CNTNAP2: variants seen among roughly 807,000 people sequenced by gnomAD.
CNTNAP2 encodes contactin associated protein 2.
Under a neutral mutation model 155.2 loss-of-function variants are expected in CNTNAP2, and 98 were observed. The observed-to-expected ratio is 0.63, with a 90% CI of 0.54 to 0.75. The LOEUF is 0.75. Ranked by LOEUF, CNTNAP2 falls within the 30% of genes least tolerant of loss-of-function variation. The pLI, the probability that CNTNAP2 is intolerant of heterozygous loss-of-function variation, is 0.00. For missense variants in CNTNAP2, 1,727 were observed against 1,688.1 expected (o/e 1.02, Z -0.40); for synonymous variants, 651 against 631.2 (o/e 1.03, Z -0.47).
intron 4 of CNTNAP2, among the ~76,000 whole-genome samples, chr7:147,101,335 A>G (rs1156598857): frequency 6.6e-6 from 1 of 152,174 alleles, no homozygotes; most frequent in East Asian, 1.9e-4. Context: ...ACTTGCAACA[A>G]GGGTGTGGCT....
intron 1 of CNTNAP2, among the ~76,000 whole-genome samples, chr7:146,559,427 G>A (rs1457442587): frequency 6.6e-6 from 1 of 151,942 alleles, no homozygotes; most frequent in African/African-American, 2.4e-5. Flanking sequence ...AATTAACTGG[G>A]TGTGTTGGCG....
intron 4 of CNTNAP2, among the ~76,000 whole-genome samples, chr7:147,063,825 A>T (rs1007403980): frequency 3.3e-5 from 5 of 152,272 alleles, no homozygotes; most frequent in African/African-American, 9.6e-5. Context: ...ATATCACATT[A>T]AAAAAGCAGT....
chr7:147,853,351 G>A (rs916281361), intron 13 of CNTNAP2, among the ~76,000 whole-genome samples: 6 of 152,118 alleles, frequency 3.9e-5, no homozygotes, highest in African/African-American at 7.2e-5. Context: ...TGTCTTAAAC[G>A]GCCTGATTTA....
intron 8 of CNTNAP2, among the ~76,000 whole-genome samples, chr7:147,221,315 T>A (rs1803394732): frequency 6.6e-6 from 1 of 152,060 alleles, no homozygotes; most frequent in Non-Finnish European, 1.5e-5. Context: ...TAAGAATAAG[T>A]AAACTAGAGC....
chr7:146,963,738 A>T (rs1238483183), intron 3 of CNTNAP2, among the ~76,000 whole-genome samples: 2 of 152,192 alleles, frequency 1.3e-5, no homozygotes, highest in African/African-American at 4.8e-5. Context: ...ATTTAGATTT[A>T]TAAAAATTGT....
At chr7:146,382,366 G>A (rs1432257583) in intron 1 of CNTNAP2, among the ~76,000 whole-genome samples, 2 of 152,182 alleles carry the variant, frequency 1.3e-5, no homozygotes, top group African/African-American at 2.4e-5. Flanking sequence ...TGATAGGCAG[G>A]AAGAAGAGTA....
intron 1 of CNTNAP2, among the ~76,000 whole-genome samples, chr7:146,645,156 C>G (rs1379498101): frequency 1.3e-5 from 2 of 152,096 alleles, no homozygotes; most frequent in African/African-American, 2.4e-5. Context: ...AATGTAAGCC[C>G]CAAAGATCAG....
chr7:146,817,459 C>A (rs1417724564), intron 2 of CNTNAP2, among the ~76,000 whole-genome samples: 1 of 146,134 alleles, frequency 6.8e-6, no homozygotes, highest in African/African-American at 2.7e-5. Flanking sequence ...GCAACATGAG[C>A]GAAACTCCAT....
intron 13 of CNTNAP2, among the ~76,000 whole-genome samples, chr7:147,722,648 C>T (rs535775227): frequency 6.6e-6 from 1 of 152,228 alleles, no homozygotes; most frequent in African/African-American, 2.4e-5. Context: ...TATTCCAACT[C>T]TGCCTTTTAG....
chr7:147,032,234 T>G (rs1276428514), intron 3 of CNTNAP2, among the ~76,000 whole-genome samples: 2 of 152,238 alleles, frequency 1.3e-5, no homozygotes, highest in African/African-American at 4.8e-5. Flanking sequence ...ATAATTTTAC[T>G]ATTCATTATA....
chr7:146,771,209 A>G (rs1234054085), intron 1 of CNTNAP2, among the ~76,000 whole-genome samples: 3 of 152,096 alleles, frequency 2.0e-5, no homozygotes, highest in Non-Finnish European at 4.4e-5. Flanking sequence ...TTTCGTTGGC[A>G]TGTTTCTTCC....
In CNTNAP2 at chr7:147,012,722, C is replaced by T. The variant is rs139795232; in HGVS notation, c.403-31185C>T. 2.0e-4 allele frequency among the ~76,000 whole-genome samples: 30 copies of T among 152,102 alleles called. No homozygotes were observed. The East Asian group carries it at 5.4e-3, about 27-fold the overall frequency. On this transcript the variant is annotated intron_variant, in intron 3 of 23. Coordinates refer to ENST00000361727, the MANE Select transcript of CNTNAP2 (RefSeq NM_014141.6). ...GAAATATCTTTGAGAAGTTGTCATGCCAAAGCTTTTGAAAACATAATTTGT... is the reference window on the plus strand; with the variant it reads ...GAAATATCTTTGAGAAGTTGTCATGTCAAAGCTTTTGAAAACATAATTTGT...
intron 3 of CNTNAP2, among the ~76,000 whole-genome samples, chr7:146,894,543 G>C (rs1334028033): frequency 6.6e-6 from 1 of 151,976 alleles, no homozygotes; most frequent in East Asian, 1.9e-4. Context: ...AGCTTGAAAT[G>C]CTGCTGCCCC....
chr7:146,545,527 T>A (rs2693400), intron 1 of CNTNAP2, among the ~76,000 whole-genome samples: 4,995 of 151,808 alleles, frequency 0.033, 289 homozygotes, highest in African/African-American at 0.11. Context: ...CTGTGTGATG[T>A]TCCCCTCCGT....
chr7:147,756,379 G>A (rs1797213711), intron 13 of CNTNAP2, among the ~76,000 whole-genome samples: 5 of 152,060 alleles, frequency 3.3e-5, no homozygotes, highest in Admixed American at 3.3e-4. Flanking sequence ...TATTTGCAAG[G>A]TAATAACCAG....
rs1472924221 is a variant in CNTNAP2, at chr7:146,525,570, A to ATCTATCTATCTATCTC, written c.98-248694_98-248693insATCTATCTCTCTATCT. On this transcript the variant is annotated intron_variant, in intron 1 of 23. Transcript: ENST00000361727. ...TATCTATCTATCTATCTATCTATCT[A>ATCTATCTATCTATCTC]TCTATCTCTCTATCTATCATCTATC... Among the ~76,000 whole-genome samples the ATCTATCTATCTATCTC allele has an allele frequency of 4.0e-3, 560 of 140,180 alleles. 8 individuals carry two copies. The highest frequency in any genetic ancestry group is 0.016 in the African/African-American group (515 of 31,456). 92.0% of individuals were successfully genotyped at this position (140,180 alleles called of 152,430 possible). A position where few individuals can be genotyped will look rare whatever the true frequency, so the allele number is the denominator to read the frequency against.
chr7:147,994,454 C>T (rs1374424987), intron 15 of CNTNAP2, among the ~76,000 whole-genome samples: 2 of 152,018 alleles, frequency 1.3e-5, no homozygotes, highest in African/African-American at 4.8e-5. Flanking sequence ...GTGTTTCCAC[C>T]CATATTTCAT....
intron 12 of CNTNAP2, among the ~76,000 whole-genome samples, chr7:147,572,268 A>G (rs1271880166): frequency 2.0e-5 from 3 of 152,084 alleles, no homozygotes; most frequent in Non-Finnish European, 2.9e-5. Flanking sequence ...GGTTAATACT[A>G]TAGAAGTTCT....
At position 147,862,129 on chromosome 7, in the gene CNTNAP2, A is replaced by G. The variant is rs1055912790; in HGVS notation, c.2099-41436A>G. On this transcript the variant is annotated intron_variant, in intron 13 of 23. Coordinates refer to ENST00000361727, the MANE Select transcript of CNTNAP2 (RefSeq NM_014141.6). ...AGTATTCCAGCAAACCACTTCAAGG[A>G]AGCTTTGAAAACCGACCACATCCTT... Among the ~76,000 whole-genome samples the G allele has an allele frequency of 2.6e-5, 4 of 152,150 alleles. No individual in the cohort carries two copies. In the East Asian group the frequency reaches 7.7e-4, roughly 29 times the overall value.
Sources: gnomAD v4.1 joint callset for allele counts (sites outside exome capture counted in the v4.1 genomes callset) on GRCh38, gnomAD v4.1.1 for gene constraint, MANE v1.5 for transcripts, NCBI Gene and HGNC (gene_info 2026-07-23, HGNC 2026-07-21) for gene names.